Variants in PITX3 observed in about 807,000 individuals in gnomAD.
PITX3 encodes the protein paired like homeodomain 3, also known as pituitary homeobox 3.
PITX3 carries 4 observed loss-of-function variants against 14.2 expected under a neutral mutation model. The ratio of observed to expected loss-of-function variants is 0.28; its 90% CI spans 0.14 to 0.65. The LOEUF (loss-of-function observed/expected upper bound fraction) is 0.65, where lower values mean the gene tolerates loss of function less well. Among genes scored for constraint, PITX3 ranks in the 30% least tolerant of loss-of-function variants. The probability of loss-of-function intolerance (pLI) is 0.82; values close to 1 mark genes in which losing one functional copy is unlikely to be tolerated. For missense variants in PITX3, 358 were observed against 426.8 expected (o/e 0.84, Z 1.42); for synonymous variants, 194 against 204.5 (o/e 0.95, Z 0.44).
At chr10:102,239,865 G>A (rs1006662119) in intron 1 of PITX3, among the ~76,000 whole-genome samples, 1 of 152,308 alleles carries the variant, frequency 6.6e-6, no homozygotes, top group Non-Finnish European at 1.5e-5. Flanking sequence ...CAGCTGCAGG[G>A]AAAGTAAACC....
In PITX3 at chr10:102,241,243, C is replaced by G. The variant is rs2070528691; in HGVS notation, c.-13+90G>C. ...CTGTTCCCAAGGCACCGGAGTTCAG[C>G]TGCCCCAGGTCTCGTTTTAGGGATT... is the stretch of plus-strand genomic sequence containing the variant. On this transcript the variant is annotated intron_variant, in intron 1 of 3. Transcript: ENST00000370002. The surrounding 1 kb of genome is among the most constrained non-coding windows in gnomAD (Gnocchi z 6.7). 6.5e-6 allele frequency: 1 copy of G among 152,926 alleles called. No homozygotes were observed. Among genetic ancestry groups the G allele is most frequent in the African/African-American group, 2.4e-5 (1 of 41,464 alleles). The allele number at this position is 152,926 out of a possible 1,614,324, so 9.5% of individuals were successfully genotyped here. A position where few individuals can be genotyped will look rare whatever the true frequency, so the allele number is the denominator to read the frequency against.
chr10:102,233,548 C>T (rs1238428400), intron 1 of PITX3, among the ~76,000 whole-genome samples: 2 of 152,124 alleles, frequency 1.3e-5, no homozygotes, highest in Non-Finnish European at 2.9e-5. Flanking sequence ...AGGTGATCTG[C>T]CTGCCTCGGC....
At chr10:102,240,691 G>C (rs764310372) in intron 1 of PITX3, among the ~76,000 whole-genome samples, 18 of 152,222 alleles carry the variant, frequency 1.2e-4, no homozygotes, top group Non-Finnish European at 2.2e-4. Context: ...TTCTGAGGCG[G>C]CCTCAAGTCA....
chr10:102,231,774 C>T lies in PITX3; in HGVS notation c.135G>A (p.Ser45=). 1 of 1,604,170 alleles carries T rather than the reference C, an allele frequency of 6.2e-7. No individual in the cohort carries two copies. The highest frequency in any genetic ancestry group is 8.5e-7 in the Non-Finnish European group (1 of 1,177,544). ...GQEHSDSEKA[S]ASLPGGSPED... The stretch of plus-strand genomic sequence containing the variant: ...CTGGGGAGCCGCCGGGCAGCGAAGC[C>T]GAGGCCTTTTCTGAGTCTGGGGGCC... Residue 45 remains serine, a synonymous_variant, in exon 3 of 4, where the codon TCG becomes TCA. Transcript: ENST00000370002.
chr10:102,239,206 C>T (rs2133814811), intron 1 of PITX3, among the ~76,000 whole-genome samples: 1 of 152,352 alleles, frequency 6.6e-6, no homozygotes, highest in South Asian at 2.1e-4. Flanking sequence ...TGACATTCTT[C>T]CTAAGAGCCA....
chr10:102,236,688 A>G (rs1466945254), intron 1 of PITX3, among the ~76,000 whole-genome samples: 1 of 152,248 alleles, frequency 6.6e-6, no homozygotes. Context: ...GTCAGCTGTC[A>G]TGTGGACCCA....
In PITX3 at chr10:102,230,456, C is replaced by T. The variant is rs1451306253; in HGVS notation, c.*58G>A. The T allele has an allele frequency of 1.3e-6, 2 of 1,558,804 alleles. No homozygotes were observed. Among genetic ancestry groups the T allele is most frequent in the East Asian group, 2.3e-5 (1 of 42,596 alleles). The stretch of plus-strand genomic sequence containing the variant: ...GCAAGCCAGTCAAAATGACCCCAGT[C>T]CGCGGAGGCTGTGAATCGTTGCCCC... On this transcript the variant is annotated 3_prime_UTR_variant, in exon 4 of 4. Coordinates refer to ENST00000370002, the MANE Select transcript of PITX3 (RefSeq NM_005029.4).
chr10:102,234,261 C>T (rs1257845734), intron 1 of PITX3, among the ~76,000 whole-genome samples: 1 of 152,128 alleles, frequency 6.6e-6, no homozygotes, highest in Non-Finnish European at 1.5e-5. Context: ...CAGCTGTGCC[C>T]CCACTCCCCA....
At chr10:102,236,595 T>G (rs976162702) in intron 1 of PITX3, among the ~76,000 whole-genome samples, 7 of 152,042 alleles carry the variant, frequency 4.6e-5, no homozygotes, top group African/African-American at 1.5e-4. Flanking sequence ...CCAGGACATA[T>G]GAAGGTGGAG....
At chr10:102,237,254 C>T (rs1030484973) in intron 1 of PITX3, among the ~76,000 whole-genome samples, 3 of 152,066 alleles carry the variant, frequency 2.0e-5, no homozygotes, top group African/African-American at 7.3e-5. Context: ...GAGAGGGAAG[C>T]CCATGGAAGG....
intron 1 of PITX3, among the ~76,000 whole-genome samples, chr10:102,237,949 G>T (rs2070443340): frequency 6.6e-6 from 1 of 151,866 alleles, no homozygotes. Context: ...TTGTATCCAG[G>T]GGTGTGACAA....
At position 102,231,758 on chromosome 10, in the gene PITX3, C is replaced by T; in HGVS notation, c.151G>A (p.Gly51Ser). 1.2e-6 allele frequency: 2 copies of T among 1,607,196 alleles called. No homozygotes were observed. Among genetic ancestry groups the T allele is most frequent in the Non-Finnish European group, 1.7e-6 (2 of 1,178,074 alleles). Residue 51 changes from glycine to serine, a missense_variant, in exon 3 of 4, where the codon GGC becomes AGC. This residue lies in a region of PITX3 where 72 missense variants were observed against 79.9 expected (regional missense o/e 0.90). Transcript: ENST00000370002. ...SEKASASLPG[G>S]SPEDGSLKKK... The stretch of plus-strand genomic sequence containing the variant: ...TTCAGCGAACCGTCCTCTGGGGAGC[C>T]GCCGGGCAGCGAAGCCGAGGCCTTT...
chr10:102,232,787 A>G (rs1245645075), intron 1 of PITX3, among the ~76,000 whole-genome samples: 1 of 152,048 alleles, frequency 6.6e-6, no homozygotes, highest in Non-Finnish European at 1.5e-5. Context: ...ATCCCCCTAT[A>G]CTCATACATG....
At chr10:102,235,173 C>A in intron 1 of PITX3, among the ~76,000 whole-genome samples, 1 of 56,132 alleles carries the variant, frequency 1.8e-5, no homozygotes, top group Non-Finnish European at 3.4e-5. Flanking sequence ...CCTTCCCCCA[C>A]CCCCCACCCC....
At chr10:102,232,141 G>C (rs1406581195) in intron 1 of PITX3, 49 bp from the exon 2 acceptor site, 1 of 1,011,474 alleles carries the variant, frequency 9.9e-7, no homozygotes, top group African/African-American at 1.6e-5. Context: ...TAAAATCTCC[G>C]GCTTAGCTAG....
intron 1 of PITX3, among the ~76,000 whole-genome samples, chr10:102,235,436 C>T (rs2070368099): frequency 1.3e-5 from 2 of 152,110 alleles, no homozygotes; most frequent in Admixed American, 6.5e-5. Context: ...GATCTAGATT[C>T]ACGTCCTGGC....
chr10:102,233,081 T>C (rs564480295), intron 1 of PITX3, among the ~76,000 whole-genome samples: 1 of 152,240 alleles, frequency 6.6e-6, no homozygotes, highest in Admixed American at 6.5e-5. Flanking sequence ...TAATGCTTTT[T>C]CTTTGTTTGC....
At chr10:102,235,179 AC>A (rs1378736201) in intron 1 of PITX3, among the ~76,000 whole-genome samples, 7 of 97,398 alleles carry the variant, frequency 7.2e-5, no homozygotes, top group Admixed American at 2.1e-4. Context: ...CCCACCCCCC[AC>A]CCCCCCACCG....
intron 3 of PITX3, 109 bp downstream of exon 3, chr10:102,231,479 G>T (rs1023142687): frequency 1.4e-6 from 1 of 730,034 alleles, no homozygotes; most frequent in African/African-American, 1.8e-5. Flanking sequence ...AGGGTCCGGG[G>T]TCCGGGGTCC....
Sources: allele counts gnomAD v4.1 joint callset (sites outside exome capture counted in the v4.1 genomes callset), GRCh38; gene constraint gnomAD v4.1.1; regional missense constraint gnomAD v4.1.1; non-coding constraint Gnocchi (gnomAD v3.1); transcripts MANE v1.5; gene names NCBI Gene and HGNC (gene_info 2026-07-23, HGNC 2026-07-21).